The following IMMP2L variants were observed in gnomAD, a reference collection of about 807,000 sequenced individuals.
IMMP2L encodes the protein mitochondrial inner membrane protease subunit 2.
IMMP2L carries 18 observed loss-of-function variants against 19.3 expected under a neutral mutation model. The ratio of observed to expected loss-of-function variants is 0.93; its 90% CI spans 0.64 to 1.38. The LOEUF is 1.38. Ranked by LOEUF, IMMP2L falls within the 40% of genes most tolerant of loss-of-function variation. The pLI is 0.00. For synonymous variants in IMMP2L, 76 were observed against 73.0 expected (o/e 1.04, Z -0.21); for missense variants, 233 against 218.2 (o/e 1.07, Z -0.43).
chr7:111,211,775 C>T (rs111900330), intron 3 of IMMP2L, among the ~76,000 whole-genome samples: 1,808 of 151,696 alleles, frequency 0.012, 29 homozygotes, highest in Middle Eastern at 0.055. Context: ...TTTGGGAGGC[C>T]GAGGCAGGCA....
At chr7:111,394,867 GC>G in intron 3 of IMMP2L, 1 of 229,650 alleles carries the variant, frequency 4.4e-6, no homozygotes. Context: ...TCAGTGTAAG[GC>G]CCATTCACTT....
At chr7:110,688,295 G>A (rs28472513) in intron 5 of IMMP2L, among the ~76,000 whole-genome samples, 2,244 of 152,036 alleles carry the variant, frequency 0.015, 49 homozygotes, top group African/African-American at 0.044. Flanking sequence ...ATAGCTCGTG[G>A]AAACACTACT....
At chr7:111,445,718 T>G (rs975067640) in intron 3 of IMMP2L, among the ~76,000 whole-genome samples, 1 of 152,122 alleles carries the variant, frequency 6.6e-6, no homozygotes, top group Non-Finnish European at 1.5e-5. Context: ...GATGGCCGAA[T>G]AGGAACAGCT....
chr7:111,106,980 T>C (rs1481911980), intron 3 of IMMP2L, among the ~76,000 whole-genome samples: 1 of 151,960 alleles, frequency 6.6e-6, no homozygotes, highest in Non-Finnish European at 1.5e-5. Flanking sequence ...CTTCTTTCTA[T>C]ATTAAAATGC....
At chr7:111,362,884 G>C (rs1339746508) in intron 3 of IMMP2L, among the ~76,000 whole-genome samples, 1 of 152,006 alleles carries the variant, frequency 6.6e-6, no homozygotes, top group African/African-American at 2.4e-5. Flanking sequence ...TTCTGAAAGG[G>C]GAGTTAGGAA....
At chr7:110,697,060 G>T (rs570811793) in intron 5 of IMMP2L, among the ~76,000 whole-genome samples, 1 of 152,224 alleles carries the variant, frequency 6.6e-6, no homozygotes, top group Non-Finnish European at 1.5e-5. Context: ...GAAATGAAGA[G>T]AAATCAACCA....
intron 3 of IMMP2L, among the ~76,000 whole-genome samples, chr7:111,285,125 G>C (rs1235736497): frequency 1.3e-5 from 2 of 152,106 alleles, no homozygotes; most frequent in Non-Finnish European, 2.9e-5. Context: ...CTTGCAAAGA[G>C]AGGATATAGC....
intron 3 of IMMP2L, among the ~76,000 whole-genome samples, chr7:111,376,587 A>C (rs964748028): frequency 1.3e-5 from 2 of 152,130 alleles, no homozygotes; most frequent in South Asian, 2.1e-4. Flanking sequence ...TTATTCAAAA[A>C]TTTGCAAACA....
At chr7:111,051,514 T>G (rs906077114) in intron 3 of IMMP2L, among the ~76,000 whole-genome samples, 8 of 152,222 alleles carry the variant, frequency 5.3e-5, no homozygotes, top group African/African-American at 1.9e-4. Context: ...TGATAAAAAC[T>G]CTTTATAAAC....
chr7:111,082,542 AGAGAGTGTTCAGACAAAAC>A (rs1326207143), intron 3 of IMMP2L, among the ~76,000 whole-genome samples: 2 of 152,172 alleles, frequency 1.3e-5, no homozygotes, highest in Non-Finnish European at 2.9e-5. Context: ...ACATCTATTC[AGAGAGTGTTCAGACAAAAC>A]GAGTGGTTTC....
intron 3 of IMMP2L, among the ~76,000 whole-genome samples, chr7:111,420,707 T>A (rs1835423653): frequency 1.3e-5 from 2 of 151,638 alleles, no homozygotes; most frequent in Admixed American, 1.3e-4. Context: ...GTTTCCAGCT[T>A]CAGCCACATC....
chr7:110,887,145 T>C (rs258975), intron 4 of IMMP2L, among the ~76,000 whole-genome samples: 75,437 of 151,784 alleles, frequency 0.5, 19,364 homozygotes, highest in East Asian at 0.83. Context: ...ACACTTTTCA[T>C]AACCTCTTAA....
intron 3 of IMMP2L, among the ~76,000 whole-genome samples, chr7:111,257,748 C>T (rs117182695): frequency 1.3e-5 from 2 of 151,972 alleles, no homozygotes; most frequent in Non-Finnish European, 1.5e-5. Context: ...ACAAAATATA[C>T]GGCCTATACA....
intron 3 of IMMP2L, among the ~76,000 whole-genome samples, chr7:111,069,393 C>A (rs2129575198): frequency 6.6e-6 from 1 of 152,246 alleles, no homozygotes; most frequent in Non-Finnish European, 1.5e-5. Context: ...ATGAACTAAT[C>A]TATAACAATA....
chr7:111,330,193 A>C (rs534448547), intron 3 of IMMP2L, among the ~76,000 whole-genome samples: 20 of 151,966 alleles, frequency 1.3e-4, no homozygotes, highest in Admixed American at 8.6e-4. Context: ...AAATCACATC[A>C]GAAATGGAAC....
At chr7:111,342,529 T>C (rs1370389687) in intron 3 of IMMP2L, among the ~76,000 whole-genome samples, 1 of 150,410 alleles carries the variant, frequency 6.6e-6, no homozygotes, top group Non-Finnish European at 1.5e-5. Context: ...GAGTTGGAGG[T>C]TGCAGTGAGC....
chr7:111,550,033 CTAAA>C (rs1460914606), intron 1 of IMMP2L, among the ~76,000 whole-genome samples: 9 of 150,996 alleles, frequency 6.0e-5, no homozygotes, highest in Non-Finnish European at 1.2e-4. Flanking sequence ...AATAACAGTG[CTAAA>C]TAGTTATTAA....
chr7:110,990,891 T>C (rs559573515), intron 3 of IMMP2L, among the ~76,000 whole-genome samples: 1 of 152,324 alleles, frequency 6.6e-6, no homozygotes, highest in South Asian at 2.1e-4. Context: ...ATCTGAAGTG[T>C]TGCTGGCCAA....
intron 3 of IMMP2L, among the ~76,000 whole-genome samples, chr7:111,269,041 A>G (rs1259550403): frequency 6.6e-6 from 1 of 152,270 alleles, no homozygotes; most frequent in East Asian, 1.9e-4. Context: ...AGTAAGGACA[A>G]TACAGGGAGA....
Sources: allele counts gnomAD v4.1 joint callset (sites outside exome capture counted in the v4.1 genomes callset), GRCh38; gene constraint gnomAD v4.1.1; transcripts MANE v1.5; gene names NCBI Gene and HGNC (gene_info 2026-07-23, HGNC 2026-07-21).